Variants in GRM5 observed in about 807,000 individuals in gnomAD.
The protein encoded by GRM5 is glutamate metabotropic receptor 5.
GRM5 carries 19 observed loss-of-function variants against 83.1 expected under a neutral mutation model. That is an observed-to-expected ratio of 0.23 (90% CI 0.16 to 0.34). The LOEUF (loss-of-function observed/expected upper bound fraction) is 0.34. GRM5 is among the 10% of genes least tolerant of loss of function. The pLI is 1.00. For synonymous variants in GRM5, 675 were observed against 633.6 expected, an observed-to-expected ratio of 1.07 and a Z score of -0.98; for missense variants, 1,160 against 1,588.3, an observed-to-expected ratio of 0.73 and a Z score of 4.58.
intron 2 of GRM5, among the ~76,000 whole-genome samples, chr11:88,985,462 G>C (rs549071707): frequency 6.6e-5 from 10 of 152,032 alleles, no homozygotes; most frequent in Non-Finnish European, 1.5e-4. Context: ...GATCACAGTT[G>C]AGCTTACCCC....
At chr11:88,955,759 C>A (rs1938591275) in intron 2 of GRM5, among the ~76,000 whole-genome samples, 1 of 152,138 alleles carries the variant, frequency 6.6e-6, no homozygotes, top group African/African-American at 2.4e-5. Flanking sequence ...GCATCTAGAT[C>A]AAATGCCTCC....
chr11:88,948,481 T>C (rs1938350813), intron 2 of GRM5, among the ~76,000 whole-genome samples: 1 of 152,234 alleles, frequency 6.6e-6, no homozygotes, highest in Non-Finnish European at 1.5e-5. Context: ...GGTCACATTA[T>C]ATCCTTCTTT....
intron 2 of GRM5, among the ~76,000 whole-genome samples, chr11:88,915,276 G>C (rs1218631583): frequency 1.3e-5 from 2 of 152,188 alleles, no homozygotes; most frequent in African/African-American, 4.8e-5. Flanking sequence ...CTGCCCGATA[G>C]AGCTTTCCTA....
intron 7 of GRM5, among the ~76,000 whole-genome samples, chr11:88,574,459 C>T (rs1386362021): frequency 6.6e-6 from 1 of 152,026 alleles, no homozygotes; most frequent in Non-Finnish European, 1.5e-5. Context: ...AGGGACGTGA[C>T]ATGTTTCATA....
chr11:88,580,548 G>A (rs982386413), intron 7 of GRM5, among the ~76,000 whole-genome samples: 2 of 152,136 alleles, frequency 1.3e-5, no homozygotes, highest in African/African-American at 4.8e-5. Context: ...GAAGTGATCA[G>A]TGAAACTAGA....
chr11:88,610,279 A>G (rs1171879767), intron 4 of GRM5, among the ~76,000 whole-genome samples: 2 of 152,212 alleles, frequency 1.3e-5, no homozygotes, highest in African/African-American at 4.8e-5. Flanking sequence ...TTTGGTAGAA[A>G]TAGCAATGTA....
At chr11:88,758,372 G>C (rs1444776382) in intron 3 of GRM5, among the ~76,000 whole-genome samples, 3 of 152,164 alleles carry the variant, frequency 2.0e-5, no homozygotes, top group Admixed American at 6.5e-5. Context: ...AAAATGGCCA[G>C]TATAGAAAAG....
At chr11:88,845,796 T>C (rs1360944137) in intron 3 of GRM5, among the ~76,000 whole-genome samples, 1 of 152,026 alleles carries the variant, frequency 6.6e-6, no homozygotes, top group Non-Finnish European at 1.5e-5. Context: ...TACTGTTTTA[T>C]TGTGGTGGTC....
chr11:88,549,745 G>A (rs1942462552), intron 8 of GRM5, among the ~76,000 whole-genome samples: 1 of 151,988 alleles, frequency 6.6e-6, no homozygotes, highest in Admixed American at 6.6e-5. Context: ...GTCATCAAGG[G>A]CCAGGTCACT....
intron 3 of GRM5, among the ~76,000 whole-genome samples, chr11:88,814,283 A>C (rs1231458884): frequency 1.3e-5 from 2 of 152,208 alleles, no homozygotes; most frequent in African/African-American, 4.8e-5. Flanking sequence ...GTCTGAGGAC[A>C]CAAAGGCTTC....
At chr11:88,702,766 A>G (rs140121260) in intron 3 of GRM5, among the ~76,000 whole-genome samples, 89 of 152,112 alleles carry the variant, frequency 5.9e-4, no homozygotes, top group African/African-American at 2.1e-3. Context: ...TCATAATCCA[A>G]TGTAACTGAT....
At chr11:88,844,357 TACACACACAC>T (rs3031469) in intron 3 of GRM5, among the ~76,000 whole-genome samples, 1,744 of 146,204 alleles carry the variant, frequency 0.012, 21 homozygotes, top group Non-Finnish European at 0.016. Flanking sequence ...TCAGAATTAC[TACACACACAC>T]ACACACACAC....
chr11:88,983,012 G>A (rs1277014586), intron 2 of GRM5, among the ~76,000 whole-genome samples: 1 of 152,206 alleles, frequency 6.6e-6, no homozygotes, highest in African/African-American at 2.4e-5. Context: ...GTTGCAGTGA[G>A]CTGAGATCAC....
chr11:88,568,038 C>T, intron 7 of GRM5, 46 bp from the exon 8 acceptor site: 1 of 1,289,662 alleles, frequency 7.8e-7, no homozygotes, highest in Non-Finnish European at 1.1e-6. Context: ...GAGATGTTGA[C>T]TTGGGTCACA....
At chr11:88,606,310 G>A (rs1039266650) in intron 4 of GRM5, among the ~76,000 whole-genome samples, 2 of 152,150 alleles carry the variant, frequency 1.3e-5, no homozygotes, top group Admixed American at 6.5e-5. Context: ...ATCACCTGAG[G>A]TCAAGAGTTT....
chr11:88,611,954 TA>T (rs1938329658), intron 4 of GRM5, among the ~76,000 whole-genome samples: 1 of 151,486 alleles, frequency 6.6e-6, no homozygotes, highest in Admixed American at 6.6e-5. Context: ...AGAATTTATT[TA>T]TTTATTTATT....
At chr11:88,512,390 T>C (rs540361318) in intron 9 of GRM5, 1 of 154,472 alleles carries the variant, frequency 6.5e-6, no homozygotes, top group East Asian at 1.9e-4. Flanking sequence ...AAAGCTTTTT[T>C]TTCCCTGAAG....
rs569598414 is a variant in GRM5, at chr11:88,655,379, A to G, written c.912-1976T>C. Among the ~76,000 whole-genome samples, 4 of 152,188 alleles carry G rather than the reference A, an allele frequency of 2.6e-5. No homozygotes were observed. In the South Asian group the frequency reaches 8.3e-4, roughly 32 times the overall value. On this transcript the variant is annotated intron_variant, in intron 3 of 9. Transcript: ENST00000305447. ...GCAGCATGGGCGTGTTGCAAATGGGACAGGAAGCTCTGTTTGTTCAAGCAG... is the reference window on the plus strand; with the variant it reads ...GCAGCATGGGCGTGTTGCAAATGGGGCAGGAAGCTCTGTTTGTTCAAGCAG...
chr11:88,977,480 G>A (rs1046833288), intron 2 of GRM5, among the ~76,000 whole-genome samples: 3 of 152,026 alleles, frequency 2.0e-5, no homozygotes, highest in African/African-American at 7.2e-5. Context: ...CAAAGTGCTG[G>A]GATTACAGGC....
Sources: gnomAD v4.1 joint callset for allele counts (sites outside exome capture counted in the v4.1 genomes callset) on GRCh38, gnomAD v4.1.1 for gene constraint, MANE v1.5 for transcripts, NCBI Gene and HGNC (gene_info 2026-07-23, HGNC 2026-07-21) for gene names.